AKAP9: variants seen among roughly 807,000 people sequenced by gnomAD.
AKAP9 encodes A-kinase anchor protein 9.
AKAP9 carries 311 observed loss-of-function variants against 488.5 expected under a neutral mutation model. The ratio of observed to expected loss-of-function variants is 0.64; its 90% CI spans 0.58 to 0.70. The LOEUF (loss-of-function observed/expected upper bound fraction) is 0.70. Ranked by LOEUF, AKAP9 falls within the 30% of genes least tolerant of loss-of-function variation. The pLI is 0.00. For synonymous variants in AKAP9, 1,462 were observed against 1,483.5 expected, an observed-to-expected ratio of 0.99 and a Z score of 0.33; for missense variants, 4,215 against 4,374.5, an observed-to-expected ratio of 0.96 and a Z score of 1.03.
At chr7:92,095,572 T>A (rs574566508) in intron 40 of AKAP9, among the ~76,000 whole-genome samples, 2 of 152,174 alleles carry the variant, frequency 1.3e-5, no homozygotes, top group African/African-American at 2.4e-5. Context: ...AAAGTGAACA[T>A]TGGCCCCTTT....
chr7:92,083,991 G>A (rs964662902), intron 33 of AKAP9, among the ~76,000 whole-genome samples: 1 of 151,988 alleles, frequency 6.6e-6, no homozygotes, highest in African/African-American at 2.4e-5. Context: ...CCTCACCCCC[G>A]ACAGGCCCCA....
At chr7:92,088,642 C>G (rs1392308614) in intron 37 of AKAP9, among the ~76,000 whole-genome samples, 1 of 152,124 alleles carries the variant, frequency 6.6e-6, no homozygotes, top group African/African-American at 2.4e-5. Context: ...AGTTTGACTA[C>G]AGAGGAGTTT....
At chr7:92,083,726 C>G in intron 33 of AKAP9, 71 bp downstream of exon 33, 1 of 1,522,216 alleles carries the variant, frequency 6.6e-7, no homozygotes, top group African/African-American at 1.4e-5. Flanking sequence ...CAGTTTAATT[C>G]ATTTTGTAGA....
chr7:92,098,115 G>A lies in AKAP9; in HGVS notation c.10614G>A (p.Gln3538=). The change falls in exon 43 of 50, where the codon CAG becomes CAA. Residue 3538 remains glutamine, a synonymous_variant. Transcript: ENST00000356239. ...VLPQKASERL[Q]FETADDEDFI... ...TTTTGTCTTTTTCTTGAAGACTACA[G>A]TTTGAAACAGCAGATGATGAAGATT... 6.2e-7 allele frequency: 1 copy of A among 1,606,156 alleles called. No individual in the cohort carries two copies. The highest frequency in any genetic ancestry group is 8.5e-7 in the Non-Finnish European group (1 of 1,173,000).
intron 37 of AKAP9, among the ~76,000 whole-genome samples, chr7:92,088,486 A>G (rs1383731290): frequency 6.6e-6 from 1 of 152,250 alleles, no homozygotes; most frequent in Admixed American, 6.5e-5. Context: ...TGGTACATCC[A>G]TACAATGAAA....
chr7:92,104,041 G>A (rs1056936143), intron 46 of AKAP9, among the ~76,000 whole-genome samples: 4 of 152,148 alleles, frequency 2.6e-5, no homozygotes, highest in Admixed American at 2.0e-4. Flanking sequence ...GCCCACTACA[G>A]TCTTCTGACC....
intron 8 of AKAP9, among the ~76,000 whole-genome samples, chr7:92,006,584 C>T (rs1799899095): frequency 6.6e-6 from 1 of 152,084 alleles, no homozygotes; most frequent in Non-Finnish European, 1.5e-5. Flanking sequence ...CAAGACAAAC[C>T]TTTATTGATG....
At chr7:92,064,082 A>G (rs568331157) in intron 24 of AKAP9, among the ~76,000 whole-genome samples, 39 of 152,222 alleles carry the variant, frequency 2.6e-4, no homozygotes, top group South Asian at 1.5e-3. Flanking sequence ...ATACCCAGCC[A>G]TTTTGAGTTT....
At chr7:91,985,400 A>G (rs1026319802) in intron 3 of AKAP9, among the ~76,000 whole-genome samples, 3 of 152,018 alleles carry the variant, frequency 2.0e-5, no homozygotes, top group African/African-American at 7.3e-5. Flanking sequence ...GGTTCTGTTT[A>G]TGTGATGGAT....
chr7:92,088,322 G>T (rs1444626726), intron 37 of AKAP9, among the ~76,000 whole-genome samples: 1 of 152,078 alleles, frequency 6.6e-6, no homozygotes, highest in Admixed American at 6.6e-5. Context: ...AACAAATTGA[G>T]AACACTACAT....
intron 3 of AKAP9, among the ~76,000 whole-genome samples, chr7:91,986,008 T>A (rs1403171372): frequency 6.6e-6 from 1 of 152,196 alleles, no homozygotes; most frequent in Non-Finnish European, 1.5e-5. Flanking sequence ...CTCCTCTTTG[T>A]ACCTCTGGTA....
chr7:92,016,448 C>T (rs926285780), intron 11 of AKAP9, among the ~76,000 whole-genome samples, 181 bp downstream of exon 11: 3 of 151,904 alleles, frequency 2.0e-5, no homozygotes, highest in African/African-American at 2.4e-5. Flanking sequence ...TTTTATAATG[C>T]GATAATGGTG....
intron 3 of AKAP9, among the ~76,000 whole-genome samples, chr7:91,982,315 A>G (rs1251477269): frequency 6.6e-6 from 1 of 151,916 alleles, no homozygotes; most frequent in African/African-American, 2.4e-5. Context: ...TACATTAGGT[A>G]TATCTCCTAA....
chr7:92,030,968 T>C (rs1804141162), intron 15 of AKAP9, among the ~76,000 whole-genome samples: 1 of 152,212 alleles, frequency 6.6e-6, no homozygotes, highest in Admixed American at 6.5e-5. Context: ...GACACATCCT[T>C]GATTCTGCTA....
At chr7:91,950,381 T>C (rs1792063456) in intron 1 of AKAP9, among the ~76,000 whole-genome samples, 1 of 151,998 alleles carries the variant, frequency 6.6e-6, no homozygotes, top group South Asian at 2.1e-4. Flanking sequence ...AGGTGCACGC[T>C]GCCAAGCCCG....
chr7:91,972,133 T>C (rs1022497139), intron 1 of AKAP9, among the ~76,000 whole-genome samples: 6 of 152,036 alleles, frequency 3.9e-5, no homozygotes, highest in South Asian at 2.1e-4. Context: ...CAAAGGCCCC[T>C]AGTCTGGCTA....
In AKAP9 at chr7:92,058,469, G is replaced by A. The variant is rs912670921; in HGVS notation, c.5602-2791G>A. The stretch of plus-strand genomic sequence containing the variant: ...ACACTATAATGAGAAATTAAATTTT[G>A]AGTGTCTATATTAAGGCTAAATGGG... On this transcript the variant is annotated intron_variant, in intron 22 of 49. Coordinates refer to ENST00000356239, the MANE Select transcript of AKAP9 (RefSeq NM_005751.5). The A allele has an allele frequency of 7.2e-6, 3 of 414,328 alleles. No homozygotes were observed. In the Admixed American group the frequency reaches 9.5e-5, roughly 13 times the overall value. The allele number at this position is 414,328 out of a possible 1,614,324, so 25.7% of individuals were successfully genotyped here. A position where few individuals can be genotyped will look rare whatever the true frequency, so the allele number is the denominator to read the frequency against.
intron 1 of AKAP9, among the ~76,000 whole-genome samples, chr7:91,948,074 A>G (rs1215230526): frequency 1.3e-5 from 2 of 152,066 alleles, no homozygotes; most frequent in Non-Finnish European, 2.9e-5. Flanking sequence ...GGCTTCTTTC[A>G]CTTAGTATGT....
At chr7:92,037,235 G>A (rs1805349133) in intron 16 of AKAP9, among the ~76,000 whole-genome samples, 1 of 152,150 alleles carries the variant, frequency 6.6e-6, no homozygotes, top group African/African-American at 2.4e-5. Context: ...GTGAGCTTAG[G>A]CAAGATTATA....
Sources: gnomAD v4.1 joint callset for allele counts (sites outside exome capture counted in the v4.1 genomes callset) on GRCh38, gnomAD v4.1.1 for gene constraint, MANE v1.5 for transcripts, NCBI Gene and HGNC (gene_info 2026-07-23, HGNC 2026-07-21) for gene names.